DDX46: variants seen among roughly 807,000 people sequenced by gnomAD.
The protein encoded by DDX46 is DEAD-box helicase 46, also known as probable ATP-dependent RNA helicase DDX46.
DDX46 carries 30 observed loss-of-function variants against 134.9 expected under a neutral mutation model. The observed-to-expected ratio is 0.22, with a 90% CI of 0.17 to 0.30. The LOEUF (loss-of-function observed/expected upper bound fraction) is 0.30, where lower values mean the gene tolerates loss of function less well. Ranked by LOEUF, DDX46 falls within the 10% of genes least tolerant of loss-of-function variation. The pLI is 1.00. For missense variants in DDX46, 622 were observed against 1,248.7 expected, an observed-to-expected ratio of 0.50 and a Z score of 7.56; for synonymous variants, 415 against 404.1, an observed-to-expected ratio of 1.03 and a Z score of -0.32.
chr5:134,816,708 A>G, intron 19 of DDX46, 102 bp downstream of exon 19: 2 of 1,169,662 alleles, frequency 1.7e-6, no homozygotes, highest in African/African-American at 1.6e-5. Flanking sequence ...TGTCCTAGAC[A>G]TTGAGTTTGT....
intron 18 of DDX46, 119 bp from the exon 19 acceptor site, chr5:134,816,311 A>C (rs29540): frequency 0.013 from 12,014 of 921,452 alleles, 199 homozygotes; most frequent in African/African-American, 0.065. Context: ...ATTTGTGTAA[A>C]TATAACTATC....
intron 5 of DDX46, among the ~76,000 whole-genome samples, chr5:134,775,923 A>G (rs1753920760): frequency 6.6e-6 from 1 of 152,170 alleles, no homozygotes; most frequent in Admixed American, 6.6e-5. Context: ...AGCTAAGCAC[A>G]CCAACCCCCA....
At chr5:134,783,741 G>T (rs933713385) in intron 9 of DDX46, among the ~76,000 whole-genome samples, 1 of 150,112 alleles carries the variant, frequency 6.7e-6, no homozygotes, top group Non-Finnish European at 1.5e-5. Flanking sequence ...TAGAGACAGG[G>T]TTTCTCCATG....
intron 18 of DDX46, among the ~76,000 whole-genome samples, chr5:134,815,754 C>T (rs1755273589): frequency 6.9e-6 from 1 of 145,188 alleles, no homozygotes; most frequent in Non-Finnish European, 1.5e-5. Context: ...AGCAGTAGGG[C>T]TCATGTGACT....
At chr5:134,785,064 C>G (rs1253904922) in intron 10 of DDX46, among the ~76,000 whole-genome samples, 2 of 152,146 alleles carry the variant, frequency 1.3e-5, no homozygotes, top group African/African-American at 4.8e-5. Flanking sequence ...GAACACGGGG[C>G]ATAGTATATC....
At chr5:134,804,911 G>C in intron 15 of DDX46, 2 of 340,256 alleles carry the variant, frequency 5.9e-6, no homozygotes, top group Non-Finnish European at 1.2e-5. Context: ...CTGCTGACAT[G>C]TTTTTTTTTG....
intron 15 of DDX46, chr5:134,805,173 A>ATTT (rs113554220): frequency 3.9e-5 from 6 of 155,100 alleles, no homozygotes; most frequent in Non-Finnish European, 8.3e-5. Flanking sequence ...GAAGAACTGT[A>ATTT]TTTTTTTTTT....
chr5:134,809,864 T>A (rs1297111951), intron 16 of DDX46, among the ~76,000 whole-genome samples: 1 of 151,870 alleles, frequency 6.6e-6, no homozygotes, highest in Non-Finnish European at 1.5e-5. Flanking sequence ...AAATAAAAAA[T>A]TAGCCGGGCA....
intron 13 of DDX46, among the ~76,000 whole-genome samples, chr5:134,791,560 CAA>C (rs746157030): frequency 4.8e-5 from 5 of 103,760 alleles, no homozygotes; most frequent in Admixed American, 2.1e-4. Context: ...GACTCCGTCT[CAA>C]AAAAAAAAAA....
intron 15 of DDX46, among the ~76,000 whole-genome samples, chr5:134,802,571 A>T (rs1580806739): frequency 2.1e-5 from 3 of 141,388 alleles, no homozygotes; most frequent in Non-Finnish European, 3.1e-5. Context: ...CAGTTTTTGT[A>T]TTTTTTTAGT....
At chr5:134,790,697 T>C (rs1754476324) in intron 13 of DDX46, 145 bp downstream of exon 13, 1 of 653,284 alleles carries the variant, frequency 1.5e-6, no homozygotes, top group South Asian at 2.2e-5. Flanking sequence ...CATACAGTAT[T>C]GAAGTACATA....
chr5:134,771,562 C>T lies in DDX46; in HGVS notation c.447+563C>T, dbSNP rs868805384. Among the ~76,000 whole-genome samples, 9 of 149,438 alleles carry T rather than the reference C, an allele frequency of 6.0e-5. No homozygotes were observed. The South Asian group carries it at 6.4e-4, about 11-fold the overall frequency. On this transcript the variant is annotated intron_variant, in intron 4 of 22. Transcript: ENST00000452510. ...AAAAAAAAAAAAAAGATTAGCTAGG[C>T]GTGGTGGCAGGCGCCTGTAGTCCCA... is the stretch of plus-strand genomic sequence containing the variant.
Position 134,758,831 on chromosome 5 carries a change from T to C in DDX46, c.-108T>C. 1 of 1,537,628 alleles carries C rather than the reference T, an allele frequency of 6.5e-7. No individual in the cohort carries two copies. Among genetic ancestry groups the C allele is most frequent in the Non-Finnish European group, 9.0e-7 (1 of 1,113,756 alleles). Reference sequence around the variant, plus strand: ...CCGCCACAGCTGTAGGTGCTGCTAGTGTTTAGCGCTGGTCTTTGCCGGGCG... The same window carrying C: ...CCGCCACAGCTGTAGGTGCTGCTAGCGTTTAGCGCTGGTCTTTGCCGGGCG... On this transcript the variant is annotated 5_prime_UTR_variant, in exon 1 of 23. Transcript: ENST00000452510.
At chr5:134,808,292 T>C (rs1050230352) in intron 16 of DDX46, among the ~76,000 whole-genome samples, 1 of 152,218 alleles carries the variant, frequency 6.6e-6, no homozygotes, top group Non-Finnish European at 1.5e-5. Context: ...TTAATATACC[T>C]GACGTACTAA....
At position 134,830,239 on chromosome 5, in the gene DDX46, C is replaced by A. The variant is rs1275751015; in HGVS notation, c.*1533C>A. 1 of 150,172 alleles carries A rather than the reference C, an allele frequency of 6.7e-6. No homozygotes were observed. Among genetic ancestry groups the A allele is most frequent in the African/African-American group, 2.4e-5 (1 of 40,854 alleles). The allele number at this position is 150,172 out of a possible 1,614,324, so 9.3% of individuals were successfully genotyped here. A position where few individuals can be genotyped will look rare whatever the true frequency, so the allele number is the denominator to read the frequency against. ...CAGTTTAACAGCTGTAAAAGTTTTA[C>A]TATAACATTTACATTGTGTTAGGTA... On this transcript the variant is annotated 3_prime_UTR_variant, in exon 23 of 23. Coordinates refer to ENST00000452510, the MANE Select transcript of DDX46 (RefSeq NM_001300860.2).
intron 7 of DDX46, 33 bp from the exon 8 acceptor site, chr5:134,781,888 C>T (rs377006453): frequency 1.9e-6 from 3 of 1,581,010 alleles, no homozygotes; most frequent in South Asian, 2.4e-5. Context: ...TAGTAATGAA[C>T]TTAGCGCTTT....
intron 21 of DDX46, chr5:134,826,532 C>G (rs899686957): frequency 2.0e-5 from 3 of 153,196 alleles, no homozygotes; most frequent in African/African-American, 7.2e-5. Flanking sequence ...AGATTTTGTT[C>G]AGACGAGACC....
At chr5:134,782,799 C>G in intron 8 of DDX46, 146 bp from the exon 9 acceptor site, 1 of 974,632 alleles carries the variant, frequency 1.0e-6, no homozygotes, top group Non-Finnish European at 1.4e-6. Flanking sequence ...CGTCTGTCTC[C>G]CAAAGTGCTA....
At chr5:134,783,137 CCT>C (rs1754207753) in intron 9 of DDX46, 72 bp downstream of exon 9, 2 of 1,523,596 alleles carry the variant, frequency 1.3e-6, no homozygotes, top group South Asian at 1.3e-5. Context: ...CCAGTGTCTC[CCT>C]GAGTTACATT....
Sources: gnomAD v4.1 joint callset for allele counts (sites outside exome capture counted in the v4.1 genomes callset) on GRCh38, gnomAD v4.1.1 for gene constraint, MANE v1.5 for transcripts, NCBI Gene and HGNC (gene_info 2026-07-23, HGNC 2026-07-21) for gene names.